CARMIL1: variants seen among roughly 807,000 people sequenced by gnomAD.
The protein encoded by CARMIL1 is capping protein regulator and myosin 1 linker 1, also known as F-actin-uncapping protein LRRC16A.
In CARMIL1, 90 loss-of-function variants were observed where a neutral mutation model predicts 177.1. That is an observed-to-expected ratio of 0.51 (90% CI 0.43 to 0.61). The LOEUF is 0.61. Among genes scored for constraint, CARMIL1 ranks in the 20% least tolerant of loss-of-function variants. The probability of loss-of-function intolerance (pLI) is 0.00; values close to 1 mark genes in which losing one functional copy is unlikely to be tolerated. For synonymous variants in CARMIL1, 577 were observed against 606.2 expected (o/e 0.95, Z 0.71); for missense variants, 1,380 against 1,667.0 (o/e 0.83, Z 3.00).
chr6:25,430,832 G>A (rs1419313341), intron 4 of CARMIL1, among the ~76,000 whole-genome samples: 1 of 152,110 alleles, frequency 6.6e-6, no homozygotes. Context: ...TGTCTTTTAA[G>A]AAATTTGTTT....
chr6:25,568,745 T>C (rs973964585), intron 29 of CARMIL1, among the ~76,000 whole-genome samples: 2 of 152,218 alleles, frequency 1.3e-5, no homozygotes, highest in African/African-American at 2.4e-5. Flanking sequence ...ACCTTAGTAA[T>C]GCTTCTAGTT....
At chr6:25,490,335 A>C (rs1326185081) in intron 13 of CARMIL1, among the ~76,000 whole-genome samples, 2 of 151,992 alleles carry the variant, frequency 1.3e-5, no homozygotes, top group Non-Finnish European at 2.9e-5. Flanking sequence ...AGGCAAACAG[A>C]GAGAGAGAGG....
At position 25,326,535 on chromosome 6, in the gene CARMIL1, G is replaced by A. The variant is rs1221960289; in HGVS notation, c.138+41626G>A. ...CTAGGGCAGTGCTTCTCAATGTGTG[G>A]TCTCAGGATCAGCCCTATCAGAATG... On this transcript the variant is annotated intron_variant, in intron 2 of 36. Coordinates refer to ENST00000329474, the MANE Select transcript of CARMIL1 (RefSeq NM_017640.6). This position sits in a 1 kb window ranked among gnomAD's most constrained non-coding sequence, Gnocchi z 4.2. 6.6e-6 allele frequency among the ~76,000 whole-genome samples: 1 copy of A among 152,210 alleles called. No individual in the cohort carries two copies. The highest frequency in any genetic ancestry group is 1.5e-5 in the Non-Finnish European group (1 of 68,046).
chr6:25,359,393 C>T (rs1464290248), intron 2 of CARMIL1, among the ~76,000 whole-genome samples: 1 of 152,202 alleles, frequency 6.6e-6, no homozygotes, highest in Non-Finnish European at 1.5e-5. Context: ...CTCGTTCTGC[C>T]TGTTGATGAG....
chr6:25,607,776 A>C (rs964987093), intron 35 of CARMIL1, among the ~76,000 whole-genome samples: 4 of 152,156 alleles, frequency 2.6e-5, no homozygotes, highest in African/African-American at 9.7e-5. Flanking sequence ...CAGCTTGGAC[A>C]GTCCCTGGTC....
intron 2 of CARMIL1, among the ~76,000 whole-genome samples, chr6:25,299,985 A>G (rs1422423389): frequency 2.0e-5 from 3 of 151,828 alleles, no homozygotes; most frequent in African/African-American, 4.8e-5. Context: ...CCTCAAAAAA[A>G]AAAAAAAAAA....
intron 2 of CARMIL1, among the ~76,000 whole-genome samples, chr6:25,330,688 TAAAA>T (rs145205834): frequency 2.1e-5 from 3 of 142,596 alleles, no homozygotes; most frequent in Admixed American, 7.0e-5. Flanking sequence ...CCATCTCTAT[TAAAA>T]AAAAAAAAAA....
chr6:25,539,066 C>A (rs1194174241), intron 25 of CARMIL1, among the ~76,000 whole-genome samples: 1 of 151,994 alleles, frequency 6.6e-6, no homozygotes, highest in Non-Finnish European at 1.5e-5. Context: ...CTGTTTGGCT[C>A]CTCCTGAGCT....
At chr6:25,596,887 G>T (rs1312961523) in intron 32 of CARMIL1, among the ~76,000 whole-genome samples, 12 of 147,518 alleles carry the variant, frequency 8.1e-5, no homozygotes, top group African/African-American at 3.0e-4. Context: ...ACGTACTCAT[G>T]TACTTAGACA....
chr6:25,301,122 C>T (rs1782824644), intron 2 of CARMIL1, among the ~76,000 whole-genome samples: 1 of 152,266 alleles, frequency 6.6e-6, no homozygotes, highest in South Asian at 2.1e-4. Context: ...TATGCTTATG[C>T]CTGACTCCCA....
chr6:25,497,863 CAG>C (rs1803893787), intron 16 of CARMIL1, among the ~76,000 whole-genome samples: 1 of 152,144 alleles, frequency 6.6e-6, no homozygotes. Context: ...GGAAGCAAGA[CAG>C]AGAATATGAC....
chr6:25,392,899 A>C (rs560134302), intron 2 of CARMIL1, among the ~76,000 whole-genome samples: 9 of 152,264 alleles, frequency 5.9e-5, no homozygotes, highest in East Asian at 3.9e-4. Flanking sequence ...GGGAAAAAAA[A>C]AACAACAGTG....
At chr6:25,582,883 A>C (rs1046730438) in intron 31 of CARMIL1, among the ~76,000 whole-genome samples, 3 of 152,194 alleles carry the variant, frequency 2.0e-5, no homozygotes, top group Non-Finnish European at 4.4e-5. Context: ...AACAGCCTAG[A>C]GTATGCCAAC....
intron 17 of CARMIL1, 62 bp downstream of exon 17, chr6:25,500,297 C>G: frequency 7.0e-7 from 1 of 1,430,730 alleles, no homozygotes; most frequent in South Asian, 1.2e-5. Flanking sequence ...TTGCCTTTTT[C>G]CTGGATAAAA....
chr6:25,371,003 GA>G (rs1790359148), intron 2 of CARMIL1, among the ~76,000 whole-genome samples: 3 of 152,068 alleles, frequency 2.0e-5, no homozygotes, highest in African/African-American at 7.2e-5. Flanking sequence ...ACTTATAAGT[GA>G]GAACATACGG....
At chr6:25,322,284 G>C (rs567755728) in intron 2 of CARMIL1, among the ~76,000 whole-genome samples, 9 of 151,898 alleles carry the variant, frequency 5.9e-5, no homozygotes, top group Non-Finnish European at 1.3e-4. Context: ...CACCATACCC[G>C]GCTAATTTTT....
At position 25,365,344 on chromosome 6, in the gene CARMIL1, C is replaced by T. The variant is rs116969471; in HGVS notation, c.139-54770C>T. ...TTGCAGCCCATCTGAGTGCTGTATT[C>T]AGCCTACTAGCTCTGGTTGCTCTGG... On this transcript the variant is annotated intron_variant, in intron 2 of 36. Coordinates refer to ENST00000329474, the MANE Select transcript of CARMIL1 (RefSeq NM_017640.6). Among the ~76,000 whole-genome samples, 54 of 152,290 alleles carry T rather than the reference C, an allele frequency of 3.5e-4. 1 individual carries two copies. The East Asian group carries it at 0.01, about 28-fold the overall frequency.
In CARMIL1 at chr6:25,378,437, C is replaced by T. The variant is rs1024570817; in HGVS notation, c.139-41677C>T. 5.9e-5 allele frequency among the ~76,000 whole-genome samples: 9 copies of T among 152,352 alleles called. No individual in the cohort carries two copies. In the East Asian group the frequency reaches 1.5e-3, roughly 26 times the overall value. On this transcript the variant is annotated intron_variant, in intron 2 of 36. Transcript: ENST00000329474. ...TCAGTTCTGGCCAAGGGAGCTTGTTCCCACTCATATCGTGAATCTCAGTTG... is the reference window on the plus strand; with the variant it reads ...TCAGTTCTGGCCAAGGGAGCTTGTTTCCACTCATATCGTGAATCTCAGTTG...
chr6:25,467,431 C>T (rs1800710145), intron 9 of CARMIL1, among the ~76,000 whole-genome samples: 1 of 152,180 alleles, frequency 6.6e-6, no homozygotes, highest in Non-Finnish European at 1.5e-5. Flanking sequence ...TTTTCTGGCT[C>T]ATTCAAACAT....
Sources: gnomAD v4.1 joint callset for allele counts (sites outside exome capture counted in the v4.1 genomes callset) on GRCh38, gnomAD v4.1.1 for gene constraint, Gnocchi (gnomAD v3.1) non-coding constraint, MANE v1.5 for transcripts, NCBI Gene and HGNC (gene_info 2026-07-23, HGNC 2026-07-21) for gene names.